The following GABRB1 variants were observed in gnomAD, a reference collection of about 807,000 sequenced individuals.
GABRB1 encodes the protein gamma-aminobutyric acid type A receptor subunit beta1.
GABRB1 carries 17 observed loss-of-function variants against 51.6 expected under a neutral mutation model. The ratio of observed to expected loss-of-function variants is 0.33; its 90% CI spans 0.23 to 0.49. GABRB1 has a LOEUF of 0.49. Among genes scored for constraint, GABRB1 ranks in the 20% least tolerant of loss-of-function variants. The pLI is 0.99. For synonymous variants in GABRB1, 247 were observed against 218.9 expected (o/e 1.13, Z -1.14); for missense variants, 410 against 600.6 (o/e 0.68, Z 3.32).
At chr4:47,095,600 AT>A (rs992203202) in intron 3 of GABRB1, among the ~76,000 whole-genome samples, 6 of 152,196 alleles carry the variant, frequency 3.9e-5, no homozygotes, top group Admixed American at 1.3e-4. Context: ...AAATTCACAA[AT>A]TAATTCTTGA....
At chr4:47,054,655 C>T (rs1726510858) in intron 3 of GABRB1, among the ~76,000 whole-genome samples, 1 of 151,730 alleles carries the variant, frequency 6.6e-6, no homozygotes. Flanking sequence ...GGTCTCGGCT[C>T]ACTGCAATCT....
intron 4 of GABRB1, among the ~76,000 whole-genome samples, chr4:47,303,906 A>G (rs1400670408): frequency 2.0e-5 from 3 of 152,048 alleles, no homozygotes; most frequent in Non-Finnish European, 4.4e-5. Context: ...GAGTGAAATC[A>G]TGTGGCATTT....
chr4:47,415,314 G>T (rs1578156577), intron 8 of GABRB1, among the ~76,000 whole-genome samples: 1 of 152,204 alleles, frequency 6.6e-6, no homozygotes, highest in Non-Finnish European at 1.5e-5. Flanking sequence ...CAAACAATTT[G>T]TCAGAAGTAT....
At chr4:47,253,489 T>C (rs1204552792) in intron 4 of GABRB1, among the ~76,000 whole-genome samples, 1 of 152,204 alleles carries the variant, frequency 6.6e-6, no homozygotes, top group Non-Finnish European at 1.5e-5. Flanking sequence ...ATGTTTGCCA[T>C]GATGTCTTCT....
intron 3 of GABRB1, among the ~76,000 whole-genome samples, chr4:47,086,797 C>A (rs1171185065): frequency 1.3e-5 from 2 of 152,160 alleles, no homozygotes; most frequent in Non-Finnish European, 2.9e-5. Context: ...TCATTTCTTC[C>A]AAGACAGCCC....
rs536413661 is a variant in GABRB1, at chr4:47,352,167, C to T, written c.544+31958C>T. ...GCATTTCTCTGATGGCCAGTGATGA[C>T]GAGCATTTTTTCATGTGTCTGTTGG... On this transcript the variant is annotated intron_variant, in intron 5 of 8. Coordinates refer to ENST00000295454, the MANE Select transcript of GABRB1 (RefSeq NM_000812.4). 1.6e-4 allele frequency among the ~76,000 whole-genome samples: 25 copies of T among 152,172 alleles called. No individual in the cohort carries two copies. The East Asian group carries it at 1.9e-3, about 12-fold the overall frequency.
At chr4:47,132,133 A>T (rs1249274222) in intron 3 of GABRB1, among the ~76,000 whole-genome samples, 1 of 152,214 alleles carries the variant, frequency 6.6e-6, no homozygotes, top group South Asian at 2.1e-4. Flanking sequence ...AACACACTGC[A>T]TTGGGCTCAT....
intron 4 of GABRB1, among the ~76,000 whole-genome samples, chr4:47,277,943 A>G (rs1024053912): frequency 6.6e-6 from 1 of 151,960 alleles, no homozygotes; most frequent in African/African-American, 2.4e-5. Context: ...GTACCAACAC[A>G]TTTTCTAAGA....
chr4:47,265,028 T>A (rs1041355020), intron 4 of GABRB1, among the ~76,000 whole-genome samples: 2 of 152,234 alleles, frequency 1.3e-5, no homozygotes, highest in African/African-American at 2.4e-5. Context: ...CATCTTTTTT[T>A]AATAGATTTA....
intron 4 of GABRB1, among the ~76,000 whole-genome samples, chr4:47,283,915 C>T (rs1055477766): frequency 6.6e-6 from 1 of 151,956 alleles, no homozygotes; most frequent in Non-Finnish European, 1.5e-5. Flanking sequence ...TGTCAAGCTT[C>T]TCACAGTACT....
intron 3 of GABRB1, among the ~76,000 whole-genome samples, chr4:47,106,053 G>C (rs1438158926): frequency 6.6e-6 from 1 of 152,022 alleles, no homozygotes; most frequent in Non-Finnish European, 1.5e-5. Flanking sequence ...TGTGACCTCA[G>C]CACTCATTAA....
At chr4:47,181,900 C>T (rs963756811) in intron 4 of GABRB1, among the ~76,000 whole-genome samples, 1 of 151,992 alleles carries the variant, frequency 6.6e-6, no homozygotes, top group Non-Finnish European at 1.5e-5. Flanking sequence ...CCCCAAACTT[C>T]TAGCGGGGAG....
rs1039700583 is a variant in GABRB1, at chr4:47,407,014, T to TA, written c.1080+95dup. 6.3e-6 allele frequency: 8 copies of TA among 1,270,638 alleles called. No individual in the cohort carries two copies. The East Asian group carries it at 9.9e-5, about 16-fold the overall frequency. The allele number at this position is 1,270,638 out of a possible 1,614,324, so 78.7% of individuals were successfully genotyped here. ...GCTCTCATAACTTAAAAACGATTAA[T>TA]AAAAAAATAGTTGATATTTAATAAG... On this transcript the variant is annotated intron_variant, in intron 8 of 8. Coordinates refer to ENST00000295454, the MANE Select transcript of GABRB1 (RefSeq NM_000812.4).
At chr4:47,268,232 T>C (rs549853000) in intron 4 of GABRB1, among the ~76,000 whole-genome samples, 2 of 152,348 alleles carry the variant, frequency 1.3e-5, no homozygotes, top group African/African-American at 4.8e-5. Flanking sequence ...ACAAAGTTGC[T>C]GTAAAATGTG....
intron 4 of GABRB1, among the ~76,000 whole-genome samples, chr4:47,254,871 C>A (rs1386249136): frequency 1.5e-4 from 23 of 152,108 alleles, no homozygotes; most frequent in Admixed American, 1.4e-3. Flanking sequence ...TTATTTGTAG[C>A]AAACTTCACA....
chr4:47,333,034 A>C (rs2109977300), intron 5 of GABRB1, among the ~76,000 whole-genome samples: 1 of 150,248 alleles, frequency 6.7e-6, no homozygotes, highest in South Asian at 2.1e-4. Flanking sequence ...CTATGTAATA[A>C]GAAGTCAAGT....
intron 5 of GABRB1, among the ~76,000 whole-genome samples, chr4:47,385,021 C>T (rs973503915): frequency 3.9e-5 from 6 of 152,270 alleles, no homozygotes; most frequent in African/African-American, 9.6e-5. Flanking sequence ...TCCTAGTGAA[C>T]GCTGTCATTA....
At chr4:47,074,394 A>G (rs765548405) in intron 3 of GABRB1, among the ~76,000 whole-genome samples, 1 of 152,224 alleles carries the variant, frequency 6.6e-6, no homozygotes, top group Non-Finnish European at 1.5e-5. Context: ...ATTTCCTTGC[A>G]TTAAACTTTA....
At chr4:47,038,524 A>G (rs778142852) in intron 3 of GABRB1, among the ~76,000 whole-genome samples, 41 of 152,230 alleles carry the variant, frequency 2.7e-4, no homozygotes, top group Admixed American at 1.0e-3. Context: ...ACTTGTTGTG[A>G]AACAGAAGGA....
Sources: allele counts gnomAD v4.1 joint callset (sites outside exome capture counted in the v4.1 genomes callset), GRCh38; gene constraint gnomAD v4.1.1; transcripts MANE v1.5; gene names NCBI Gene and HGNC (gene_info 2026-07-23, HGNC 2026-07-21).